The following UTRN variants were observed in gnomAD, a reference collection of about 807,000 sequenced individuals.
UTRN encodes the protein utrophin.
Under a neutral mutation model 463.9 loss-of-function variants are expected in UTRN, and 283 were observed. That is an observed-to-expected ratio of 0.61 (90% CI 0.55 to 0.67). UTRN has a LOEUF of 0.67. Ranked by LOEUF, UTRN falls within the 30% of genes least tolerant of loss-of-function variation. UTRN has a pLI of 0.00. For synonymous variants in UTRN, 1,442 were observed against 1,431.5 expected, an observed-to-expected ratio of 1.01 and a Z score of -0.17; for missense variants, 3,922 against 4,084.3, an observed-to-expected ratio of 0.96 and a Z score of 1.08.
intron 73 of UTRN, among the ~76,000 whole-genome samples, chr6:144,846,305 G>C (rs1413323831): frequency 6.6e-6 from 1 of 152,222 alleles, no homozygotes; most frequent in Non-Finnish European, 1.5e-5. Context: ...AGGACACTGA[G>C]GATTAGGCCA....
chr6:144,526,516 T>C (rs1185414194), intron 41 of UTRN, among the ~76,000 whole-genome samples: 1 of 152,186 alleles, frequency 6.6e-6, no homozygotes, highest in East Asian at 1.9e-4. Flanking sequence ...TTGCTTTTGG[T>C]GTCCATTTGG....
intron 2 of UTRN, among the ~76,000 whole-genome samples, chr6:144,296,551 A>G (rs1008527099): frequency 8.5e-5 from 13 of 152,208 alleles, no homozygotes; most frequent in African/African-American, 2.9e-4. Context: ...ATGTTTATTC[A>G]ATGATAAAGG....
At chr6:144,366,027 C>A (rs867815409) in intron 2 of UTRN, among the ~76,000 whole-genome samples, 1 of 152,136 alleles carries the variant, frequency 6.6e-6, no homozygotes, top group Non-Finnish European at 1.5e-5. Context: ...CGTGAGCCAC[C>A]GCACCTGGCC....
At chr6:144,408,066 A>G (rs1441979929) in intron 3 of UTRN, among the ~76,000 whole-genome samples, 1 of 152,196 alleles carries the variant, frequency 6.6e-6, no homozygotes, top group Non-Finnish European at 1.5e-5. Flanking sequence ...TACCTTCCTT[A>G]TATCGTGAAG....
At position 144,491,663 on chromosome 6, in the gene UTRN, A is replaced by G. The variant is rs1306430987; in HGVS notation, c.4437+561A>G. On this transcript the variant is annotated intron_variant, in intron 32 of 74. Coordinates refer to ENST00000367545, the MANE Select transcript of UTRN (RefSeq NM_007124.3). ...CTTAGAATTAGTGTTCTGCTTGAGA[A>G]TCACAGAACTTAAGATGAGACTCTT... Among the ~76,000 whole-genome samples the G allele has an allele frequency of 3.3e-5, 5 of 152,350 alleles. No individual in the cohort carries two copies. The East Asian group carries it at 9.6e-4, about 29-fold the overall frequency.
At chr6:144,436,486 A>G (rs1786542763) in intron 10 of UTRN, among the ~76,000 whole-genome samples, 1 of 152,096 alleles carries the variant, frequency 6.6e-6, no homozygotes, top group Non-Finnish European at 1.5e-5. Context: ...TTCCCTAGGA[A>G]ATGATTATTC....
chr6:144,698,956 C>G (rs1784288210), intron 52 of UTRN, among the ~76,000 whole-genome samples: 1 of 152,192 alleles, frequency 6.6e-6, no homozygotes, highest in Admixed American at 6.5e-5. Context: ...CCCAACTGTT[C>G]TCTATTCACA....
intron 6 of UTRN, 31 bp from the exon 7 acceptor site, chr6:144,426,256 G>A (rs376897784): frequency 2.2e-4 from 346 of 1,594,254 alleles, no homozygotes; most frequent in Non-Finnish European, 2.9e-4. Context: ...TGAAGTATTA[G>A]TTATGGACAG....
At chr6:144,495,775 A>G (rs1319583543) in intron 33 of UTRN, among the ~76,000 whole-genome samples, 1 of 152,272 alleles carries the variant, frequency 6.6e-6, no homozygotes, top group Non-Finnish European at 1.5e-5. Flanking sequence ...GGATAGCAGT[A>G]GCCGGTGTTG....
chr6:144,700,007 C>T, intron 52 of UTRN, 80 bp from the exon 53 acceptor site: 3 of 1,399,154 alleles, frequency 2.1e-6, no homozygotes, highest in Admixed American at 4.7e-5. Flanking sequence ...GATTATTATG[C>T]TAAAGGAAGG....
intron 51 of UTRN, among the ~76,000 whole-genome samples, chr6:144,617,335 C>T (rs1350886415): frequency 6.6e-6 from 1 of 152,130 alleles, no homozygotes; most frequent in Non-Finnish European, 1.5e-5. Flanking sequence ...CCATCCAATC[C>T]CTGCTATCAA....
At chr6:144,693,740 T>C (rs1295156381) in intron 52 of UTRN, among the ~76,000 whole-genome samples, 1 of 152,198 alleles carries the variant, frequency 6.6e-6, no homozygotes, top group African/African-American at 2.4e-5. Context: ...ACATTGATTT[T>C]TTTTATCCTG....
intron 2 of UTRN, among the ~76,000 whole-genome samples, chr6:144,384,986 A>C (rs1781283529): frequency 6.6e-6 from 1 of 152,002 alleles, no homozygotes; most frequent in African/African-American, 2.4e-5. Context: ...TAGTTAGCTT[A>C]CTCTTATCTT....
intron 65 of UTRN, among the ~76,000 whole-genome samples, chr6:144,812,774 A>G (rs1215012696): frequency 6.6e-6 from 1 of 152,208 alleles, no homozygotes; most frequent in South Asian, 2.1e-4. Flanking sequence ...GGGTTTTGCT[A>G]CAGATAGATG....
chr6:144,469,069 T>C (rs1285943960), intron 23 of UTRN, among the ~76,000 whole-genome samples: 6 of 151,846 alleles, frequency 4.0e-5, no homozygotes, highest in African/African-American at 1.5e-4. Context: ...CCTTTCCTTC[T>C]GTACCAATTC....
At chr6:144,501,644 T>TTTTTTTGAGACGGAGTCTCG (rs1794191621) in intron 34 of UTRN, among the ~76,000 whole-genome samples, 1 of 152,184 alleles carries the variant, frequency 6.6e-6, no homozygotes, top group African/African-American at 2.4e-5. Context: ...TTTTCTCATT[T>TTTTTTTGAGACGGAGTCTCG]CTCTATTCAT....
intron 2 of UTRN, among the ~76,000 whole-genome samples, chr6:144,384,038 G>GT (rs1044617589): frequency 1.8e-4 from 28 of 151,896 alleles, no homozygotes; most frequent in African/African-American, 6.8e-4. Flanking sequence ...ATTGCATCTG[G>GT]TTTTTTTCCT....
chr6:144,743,899 A>G (rs1029149888), intron 54 of UTRN, among the ~76,000 whole-genome samples: 1 of 152,136 alleles, frequency 6.6e-6, no homozygotes, highest in African/African-American at 2.4e-5. Flanking sequence ...TTGTAATGCA[A>G]TAAATAAATT....
chr6:144,319,939 C>G (rs1383432054), intron 2 of UTRN, among the ~76,000 whole-genome samples: 1 of 151,762 alleles, frequency 6.6e-6, no homozygotes, highest in Non-Finnish European at 1.5e-5. Flanking sequence ...CCGCAATGTC[C>G]GCCTCCTAGG....
Sources: gnomAD v4.1 joint callset for allele counts (sites outside exome capture counted in the v4.1 genomes callset) on GRCh38, gnomAD v4.1.1 for gene constraint, MANE v1.5 for transcripts, NCBI Gene and HGNC (gene_info 2026-07-23, HGNC 2026-07-21) for gene names.